Variants in DOT1L observed in about 807,000 individuals in gnomAD.
DOT1L encodes the protein DOT1 like histone lysine methyltransferase.
In DOT1L, 33 loss-of-function variants were observed where a neutral mutation model predicts 153.3. The ratio of observed to expected loss-of-function variants is 0.22; its 90% confidence interval spans 0.16 to 0.29. The LOEUF (loss-of-function observed/expected upper bound fraction) is 0.29, where lower values mean the gene tolerates loss of function less well. Among genes scored for constraint, DOT1L ranks in the 10% least tolerant of loss-of-function variants. The pLI is 1.00. For synonymous variants in DOT1L, 1,135 were observed against 965.1 expected (o/e 1.18, Z -3.26); for missense variants, 1,847 against 2,119.9 (o/e 0.87, Z 2.53).
rs572430570 is a variant in DOT1L at position 2,225,316 on chromosome 19, G to A, written c.3597-72G>A. 32 of 1,468,570 alleles carry A rather than the reference G, an allele frequency of 2.2e-5. No homozygotes were observed. In the South Asian group the frequency reaches 3.5e-4, roughly 16 times the overall value. 91.0% of individuals were successfully genotyped at this position (1,468,570 alleles called of 1,614,324 possible). A position where few individuals can be genotyped will look rare whatever the true frequency, so the allele number is the denominator to read the frequency against. On this transcript the variant is annotated intron_variant, in intron 25 of 27. Coordinates refer to ENST00000398665, the MANE Select transcript of DOT1L (RefSeq NM_032482.3). ...CACCTCCGGAGCTCCCTGGGCTGTT[G>A]GCTGTCAGCATTTGTGTCATTCTTA...
At chr19:2,164,289 C>A (rs1309934967) in intron 1 of DOT1L, 24 bp downstream of exon 1, 8 of 1,248,142 alleles carry the variant, frequency 6.4e-6, no homozygotes, top group Admixed American at 4.0e-5. Context: ...TCCACCGTCC[C>A]TACCTCCCGG....
At position 2,230,247 on chromosome 19, in the gene DOT1L, G is replaced by A. The variant is rs1295306400; in HGVS notation, c.*455G>A. 14 of 416,744 alleles carry A rather than the reference G, an allele frequency of 3.4e-5. No homozygotes were observed. The highest frequency in any genetic ancestry group is 1.8e-4 in the South Asian group (2 of 11,254). The allele number at this position is 416,744 out of a possible 1,614,324, so 25.8% of individuals were successfully genotyped here. A position where few individuals can be genotyped will look rare whatever the true frequency, so the allele number is the denominator to read the frequency against. On this transcript the variant is annotated 3_prime_UTR_variant, in exon 28 of 28. Coordinates refer to ENST00000398665, the MANE Select transcript of DOT1L (RefSeq NM_032482.3). ...AACGCCGAACCCCGTTCTCGGAAAC[G>A]CCGCCCGGCCGGCTCCCCCGACGCG...
intron 22 of DOT1L, among the ~76,000 whole-genome samples, chr19:2,218,725 C>T (rs1052842269): frequency 6.6e-6 from 1 of 151,762 alleles, no homozygotes; most frequent in African/African-American, 2.4e-5. Context: ...GAGATGGAGA[C>T]TCATTCTGTC....
rs865812035 is a variant in DOT1L, at chr19:2,178,664, G to A, written c.82-2049G>A. On this transcript the variant is annotated intron_variant, in intron 1 of 27. Coordinates refer to ENST00000398665, the MANE Select transcript of DOT1L (RefSeq NM_032482.3). ...GATCTCCTGACCTTGTGATCCACCC[G>A]CCTCAGCTGGCCTCCCAGAGTGCTG... is the stretch of plus-strand genomic sequence containing the variant. Among the ~76,000 whole-genome samples, 14 of 152,020 alleles carry A rather than the reference G, an allele frequency of 9.2e-5. No individual in the cohort carries two copies. The South Asian group carries it at 1.2e-3, about 14-fold the overall frequency.
intron 14 of DOT1L, 66 bp downstream of exon 14, chr19:2,210,921 G>C: frequency 6.4e-7 from 1 of 1,568,190 alleles, no homozygotes. Flanking sequence ...CCCCTCTGCT[G>C]GGACGCTGCC....
intron 5 of DOT1L, among the ~76,000 whole-genome samples, chr19:2,192,198 G>A (rs1445933566): frequency 6.6e-6 from 1 of 152,228 alleles, no homozygotes; most frequent in Non-Finnish European, 1.5e-5. Flanking sequence ...CAGGGACCAA[G>A]AGGACTTTGC....
intron 27 of DOT1L, chr19:2,228,575 AGT>A (rs1289677349): frequency 1.0e-6 from 1 of 985,046 alleles, no homozygotes; most frequent in Non-Finnish European, 1.2e-6. Flanking sequence ...GAGTGGCCTG[AGT>A]GTGTTGGGTT....
chr19:2,193,181 G>A lies in DOT1L; in HGVS notation c.494-508G>A, dbSNP rs1054835896. ...CTGATGCTGTGAAACCGCAGCGGCC[G>A]GGAGACTGTCCTGGCTGCGGGGGAC... On this transcript the variant is annotated intron_variant, in intron 5 of 27. Coordinates refer to ENST00000398665, the MANE Select transcript of DOT1L (RefSeq NM_032482.3). The surrounding 1 kb of genome is among the most constrained non-coding windows in gnomAD (Gnocchi z 5.9). Among the ~76,000 whole-genome samples, 5 of 152,188 alleles carry A rather than the reference G, an allele frequency of 3.3e-5. No homozygotes were observed. The highest frequency in any genetic ancestry group is 6.5e-5 in the Admixed American group (1 of 15,282).
Position 2,213,963 on chromosome 19 carries a change from C to T in DOT1L, c.1774C>T (p.Leu592Phe), listed in dbSNP as rs374045230. ...SEQLEQDNRALRGQSLQLLKA... is the reference protein window; with the variant it reads ...SEQLEQDNRAFRGQSLQLLKA... ...GCAGCTGGAGCAGGACAACCGCGCG[C>T]TCCGCGGCCAGAGCTTGCAGCTGGT... Residue 592 changes from leucine (L) to phenylalanine (F), a missense_variant, in exon 18 of 28, where the codon CTC (leucine) becomes TTC (phenylalanine). Physicochemically the swap from Leu to Phe is conservative, Grantham distance 22. Around this residue, in one of 8 missense-constraint regions of DOT1L, gnomAD observed 156 missense variants for 235.7 expected, o/e 0.66. Coordinates refer to ENST00000398665, the MANE Select transcript of DOT1L (RefSeq NM_032482.3). 24 of 1,612,668 alleles carry T rather than the reference C, an allele frequency of 1.5e-5. 1 individual carries two copies. Among genetic ancestry groups the T allele is most frequent in the Non-Finnish European group, 2.0e-5 (24 of 1,179,922 alleles).
intron 27 of DOT1L, chr19:2,228,475 CG>C: frequency 8.3e-7 from 1 of 1,204,454 alleles, no homozygotes; most frequent in Non-Finnish European, 1.1e-6. Context: ...GCAGAAGTTC[CG>C]GGGGTCCTGA....
At chr19:2,223,545 T>A in intron 25 of DOT1L, 59 bp downstream of exon 25, 1 of 344,148 alleles carries the variant, frequency 2.9e-6, no homozygotes, top group Non-Finnish European at 5.3e-6. Context: ...AGGTGCCTGC[T>A]CACTGTGTGT....
rs1490585496 is a variant in DOT1L, at chr19:2,207,362, T to G, written c.857-212T>G. Among the ~76,000 whole-genome samples the G allele has an allele frequency of 6.6e-6, 1 of 152,190 alleles. No homozygotes were observed. Among genetic ancestry groups the G allele is most frequent in the East Asian group, 1.9e-4 (1 of 5,194 alleles). ...ACTCAGCTGGGTTTGTGGCTGTTTT[T>G]CTGAGGTTGGAGGGGCCCAGGCCAG... On this transcript the variant is annotated intron_variant, in intron 10 of 27. Coordinates refer to ENST00000398665, the MANE Select transcript of DOT1L (RefSeq NM_032482.3). This position sits in a 1 kb window ranked among gnomAD's most constrained non-coding sequence, Gnocchi z 4.5.
intron 2 of DOT1L, among the ~76,000 whole-genome samples, chr19:2,184,676 A>C (rs780180681): frequency 6.6e-6 from 1 of 152,056 alleles, no homozygotes; most frequent in Non-Finnish European, 1.5e-5. Context: ...GTGTCCTTCC[A>C]TTTCTGGCCT....
At chr19:2,186,030 A>G (rs573752353) in intron 3 of DOT1L, 101 bp downstream of exon 3, 2 of 1,124,922 alleles carry the variant, frequency 1.8e-6, no homozygotes, top group South Asian at 2.6e-5. Flanking sequence ...TAGATGGTGC[A>G]AGCTGATCTG....
At chr19:2,187,651 C>A (rs534961257) in intron 3 of DOT1L, among the ~76,000 whole-genome samples, 1 of 152,036 alleles carries the variant, frequency 6.6e-6, no homozygotes, top group Non-Finnish European at 1.5e-5. Flanking sequence ...GGCTGGGCAC[C>A]GTGGCTCACA....
intron 27 of DOT1L, chr19:2,227,580 G>A: frequency 1.2e-6 from 1 of 844,898 alleles, no homozygotes; most frequent in Non-Finnish European, 1.6e-6. Context: ...CGGAGGGCGG[G>A]CCACCACGAG....
intron 7 of DOT1L, 99 bp from the exon 8 acceptor site, chr19:2,199,785 C>A (rs45459694): frequency 1.5e-6 from 2 of 1,356,918 alleles, no homozygotes; most frequent in Non-Finnish European, 2.0e-6. Flanking sequence ...TCACTGCAAG[C>A]GGAGCTGTGT....
chr19:2,199,932 A>G lies in DOT1L; in HGVS notation c.700A>G (p.Asn234Asp). 6.2e-7 allele frequency: 1 copy of G among 1,613,926 alleles called. No individual in the cohort carries two copies. The highest frequency in any genetic ancestry group is 8.5e-7 in the Non-Finnish European group (1 of 1,179,870). Residue 234 changes from asparagine to aspartate, a missense_variant, in exon 8 of 28, where the codon AAC becomes GAC. This residue lies in a region of DOT1L where 148 missense variants were observed against 422.3 expected (regional missense o/e 0.35). Transcript: ENST00000398665. ...LSEEWRERIA[N>D]TSVIFVNNFA... is the part of the protein sequence containing the mutation. ...AGAAGAGTGGAGGGAGCGAATCGCCAACACGAGGTATGGCCAGCGTGGGGC... is the reference window on the plus strand; with the variant it reads ...AGAAGAGTGGAGGGAGCGAATCGCCGACACGAGGTATGGCCAGCGTGGGGC...
rs1413056613 is a variant in DOT1L, at chr19:2,207,103, T to C, written c.856+306T>C. Among the ~76,000 whole-genome samples, 2 of 152,216 alleles carry C rather than the reference T, an allele frequency of 1.3e-5. No homozygotes were observed. The highest frequency in any genetic ancestry group is 2.9e-5 in the Non-Finnish European group (2 of 68,032). On this transcript the variant is annotated intron_variant, in intron 10 of 27. Transcript: ENST00000398665. The surrounding 1 kb of genome is among the most constrained non-coding windows in gnomAD (Gnocchi z 4.5). Reference sequence around the variant, plus strand: ...AGGCGTGAAGGATTTACAGGACTTTTGTGGACAGAGACAGGCCCACGGTGG... The same window carrying C: ...AGGCGTGAAGGATTTACAGGACTTTCGTGGACAGAGACAGGCCCACGGTGG...
Sources: gnomAD v4.1 joint callset for allele counts (sites outside exome capture counted in the v4.1 genomes callset) on GRCh38, gnomAD v4.1.1 for gene constraint, gnomAD v4.1.1 regional missense constraint, Gnocchi (gnomAD v3.1) non-coding constraint, MANE v1.5 for transcripts, NCBI Gene and HGNC (gene_info 2026-07-23, HGNC 2026-07-21) for gene names.